Variants in ABI3BP observed in about 807,000 individuals in gnomAD.
ABI3BP encodes target of Nesh-SH3.
Under a neutral mutation model 268.6 loss-of-function variants are expected in ABI3BP, and 216 were observed. The observed-to-expected ratio is 0.80, with a 90% CI of 0.72 to 0.90. ABI3BP has a LOEUF of 0.90. ABI3BP is among the 40% of genes least tolerant of loss of function. ABI3BP has a pLI of 0.00. For missense variants in ABI3BP, 2,090 were observed against 2,182.4 expected, an observed-to-expected ratio of 0.96 and a Z score of 0.84; for synonymous variants, 730 against 730.0, an observed-to-expected ratio of 1.00 and a Z score of 0.00.
chr3:100,780,271 TAG>T, intron 57 of ABI3BP, 62 bp from the exon 58 acceptor site: 1 of 1,492,046 alleles, frequency 6.7e-7, no homozygotes, highest in South Asian at 1.2e-5. Context: ...GGAAACTTGG[TAG>T]AGTTGCCAGT....
At chr3:100,821,198 G>A in intron 38 of ABI3BP, 85 bp from the exon 39 acceptor site, 1 of 1,117,114 alleles carries the variant, frequency 9.0e-7, no homozygotes, top group Non-Finnish European at 1.3e-6. Flanking sequence ...AGTCTTACTA[G>A]TATAATACAG....
intron 5 of ABI3BP, among the ~76,000 whole-genome samples, chr3:100,885,819 A>G (rs1392569075): frequency 6.6e-6 from 1 of 152,030 alleles, no homozygotes; most frequent in Non-Finnish European, 1.5e-5. Flanking sequence ...CTAGCTTTCC[A>G]TTCTGAACAT....
chr3:100,951,230 CAT>C (rs1437056864), intron 1 of ABI3BP, among the ~76,000 whole-genome samples: 2 of 151,876 alleles, frequency 1.3e-5, no homozygotes, highest in Non-Finnish European at 2.9e-5. Flanking sequence ...TCTGCCCTCA[CAT>C]GTGTATGCAC....
chr3:100,990,963 T>C (rs2092817769), intron 1 of ABI3BP, among the ~76,000 whole-genome samples: 1 of 152,154 alleles, frequency 6.6e-6, no homozygotes, highest in Non-Finnish European at 1.5e-5. Context: ...TGTGGGAAAA[T>C]GAGAAAAATA....
Position 100,785,176 on chromosome 3 carries a change from T to C in ABI3BP, c.4162+2552A>G, listed in dbSNP as rs994383497. Among the ~76,000 whole-genome samples the C allele has an allele frequency of 2.0e-5, 3 of 152,222 alleles. No individual in the cohort carries two copies. The East Asian group carries it at 5.8e-4, about 29-fold the overall frequency. On this transcript the variant is annotated intron_variant, in intron 57 of 67. Transcript: ENST00000471714. ...TTGAAAACTTCAGCAAGAAAAACTA[T>C]AGGAAAATGTGAGATGGATAATAAA...
intron 2 of ABI3BP, among the ~76,000 whole-genome samples, chr3:100,907,838 G>A (rs1043535108): frequency 6.6e-5 from 10 of 152,066 alleles, no homozygotes; most frequent in African/African-American, 1.4e-4. Flanking sequence ...AGAAAAGGCC[G>A]GGAGTGGTAG....
intron 51 of ABI3BP, among the ~76,000 whole-genome samples, chr3:100,804,189 T>C (rs1244974706): frequency 2.0e-5 from 3 of 152,178 alleles, no homozygotes; most frequent in Non-Finnish European, 4.4e-5. Flanking sequence ...CCCATGAAGA[T>C]ACTCCACAAA....
At chr3:100,963,975 A>G (rs1210980265) in intron 1 of ABI3BP, among the ~76,000 whole-genome samples, 2 of 152,212 alleles carry the variant, frequency 1.3e-5, no homozygotes, top group Non-Finnish European at 2.9e-5. Flanking sequence ...TACAAAGAAC[A>G]TTCATCTTAG....
chr3:100,830,768 G>T (rs2098477217), intron 31 of ABI3BP, 134 bp from the exon 32 acceptor site: 3 of 672,406 alleles, frequency 4.5e-6, no homozygotes, highest in African/African-American at 1.8e-5. Flanking sequence ...AAAAGAAAGT[G>T]GCTGTATTTT....
chr3:100,977,108 G>A (rs1310554779), intron 1 of ABI3BP, among the ~76,000 whole-genome samples: 4 of 151,982 alleles, frequency 2.6e-5, no homozygotes, highest in South Asian at 2.1e-4. Context: ...TTCTCTTCCC[G>A]TGTTTATTTC....
intron 8 of ABI3BP, 32 bp from the exon 9 acceptor site, chr3:100,874,965 G>C: frequency 8.0e-7 from 1 of 1,255,066 alleles, no homozygotes; most frequent in Non-Finnish European, 1.1e-6. Context: ...TAAGATAAGG[G>C]GAAGAAAGTG....
chr3:100,761,423 G>T (rs1296668292), intron 63 of ABI3BP, among the ~76,000 whole-genome samples: 1 of 152,074 alleles, frequency 6.6e-6, no homozygotes, highest in African/African-American at 2.4e-5. Context: ...GCCCCTTAAG[G>T]CCACCTTTGG....
intron 9 of ABI3BP, among the ~76,000 whole-genome samples, chr3:100,869,105 C>T (rs188224357): frequency 5.9e-5 from 9 of 152,060 alleles, no homozygotes; most frequent in African/African-American, 2.2e-4. Context: ...TGACCTAGGA[C>T]CTCTTATTAT....
chr3:100,940,829 T>TATATATATATATATATATATATAG lies in ABI3BP; in HGVS notation c.80-14349_80-14348insCTATATATATATATATATATATAT, dbSNP rs1244113888. On this transcript the variant is annotated intron_variant, in intron 1 of 67. Coordinates refer to ENST00000471714, the MANE Select transcript of ABI3BP (RefSeq NM_001375547.2). ...ATATATATATATATATATATATATATATGATATGATGAGTCAGGAATTTAA... is the reference window on the plus strand; with the variant it reads ...ATATATATATATATATATATATATATATATATATATATATATATATATAGATGATATGATGAGTCAGGAATTTAA... Among the ~76,000 whole-genome samples the TATATATATATATATATATATATAG allele has an allele frequency of 2.6e-3, 106 of 41,256 alleles. 51 individuals carry two copies. Among genetic ancestry groups the TATATATATATATATATATATATAG allele is most frequent in the South Asian group, 6.4e-3 (6 of 942 alleles). The allele number at this position is 41,256 out of a possible 152,430, so 27.1% of individuals were successfully genotyped here.
At chr3:100,770,147 C>A (rs1338100571) in intron 62 of ABI3BP, among the ~76,000 whole-genome samples, 1 of 152,138 alleles carries the variant, frequency 6.6e-6, no homozygotes, top group East Asian at 1.9e-4. Flanking sequence ...AGTCTTTTTT[C>A]ATCCTCCTCT....
chr3:100,815,107 T>A (rs2097989884), intron 44 of ABI3BP, among the ~76,000 whole-genome samples: 1 of 152,176 alleles, frequency 6.6e-6, no homozygotes, highest in Non-Finnish European at 1.5e-5. Flanking sequence ...AGGGATGGAA[T>A]AACCCCTATT....
In ABI3BP at chr3:100,841,194, CTTTTTTTTTTTTTTTTTTTTT is replaced by C. The variant is rs60261694; in HGVS notation, c.1766-357_1766-337del. 2.3e-4 allele frequency among the ~76,000 whole-genome samples: 9 copies of C among 39,630 alleles called. 1 individual carries two copies. Among genetic ancestry groups the C allele is most frequent in the East Asian group, 1.0e-3 (1 of 984 alleles). The allele number at this position is 39,630 out of a possible 152,430, so 26.0% of individuals were successfully genotyped here. On this transcript the variant is annotated intron_variant, in intron 21 of 67. Coordinates refer to ENST00000471714, the MANE Select transcript of ABI3BP (RefSeq NM_001375547.2). ...AATTGGCTAAGATGGCATTAGAACA[CTTTTTTTTTTTTTTTTTTTTT>C]TTTTTTTTTTTTGCTCTTTTGAAGA...
At chr3:100,829,755 G>A in intron 32 of ABI3BP, 91 bp from the exon 33 acceptor site, 1 of 1,025,144 alleles carries the variant, frequency 9.8e-7, no homozygotes, top group African/African-American at 1.6e-5. Context: ...TGACTTCCAA[G>A]AAATGTTTCT....
At chr3:100,846,608 T>A (rs2098772020) in intron 19 of ABI3BP, 162 bp from the exon 20 acceptor site, 1 of 521,894 alleles carries the variant, frequency 1.9e-6, no homozygotes, top group Non-Finnish European at 3.4e-6. Context: ...TATTTCATGA[T>A]CCATTCACAG....
Sources: gnomAD v4.1 joint callset for allele counts (sites outside exome capture counted in the v4.1 genomes callset) on GRCh38, gnomAD v4.1.1 for gene constraint, MANE v1.5 for transcripts, NCBI Gene and HGNC (gene_info 2026-07-23, HGNC 2026-07-21) for gene names.